PSMG4: variants seen among roughly 807,000 people sequenced by gnomAD.
The protein encoded by PSMG4 is proteasome assembly chaperone 4, also known as proteasome (prosome, macropain) assembly chaperone 4.
PSMG4 carries 10 observed loss-of-function variants against 11.0 expected under a neutral mutation model. That is an observed-to-expected ratio of 0.91 (90% CI 0.56 to 1.54). The LOEUF is 1.54. PSMG4 is among the 40% of genes most tolerant of loss of function. The pLI is 0.00. For synonymous variants in PSMG4, 95 were observed against 71.3 expected (o/e 1.33, Z -1.68); for missense variants, 198 against 160.9 (o/e 1.23, Z -1.25).
intron 2 of PSMG4, chr6:3,265,401 GA>G (rs1221485553): frequency 1.3e-5 from 2 of 152,140 alleles, no homozygotes; most frequent in African/African-American, 2.4e-5. Context: ...AGCATCGCAG[GA>G]GTTGGTGTGG....
At chr6:3,263,277 T>C (rs994289658) in intron 1 of PSMG4, among the ~76,000 whole-genome samples, 23 of 152,262 alleles carry the variant, frequency 1.5e-4, no homozygotes, top group Non-Finnish European at 2.6e-4. Context: ...AGCCAGCTGC[T>C]GTGGGGCACG....
chr6:3,264,114 G>A, intron 2 of PSMG4: 3 of 1,511,758 alleles, frequency 2.0e-6, no homozygotes, highest in Non-Finnish European at 2.7e-6. Context: ...GCTCAAGGTA[G>A]CCTCCCGGGC....
chr6:3,262,970 A>G (rs901789659), intron 1 of PSMG4, among the ~76,000 whole-genome samples: 1 of 152,130 alleles, frequency 6.6e-6, no homozygotes, highest in African/African-American at 2.4e-5. Flanking sequence ...CTAGCTAGAC[A>G]TTGTTAATGG....
chr6:3,255,179 G>C, upstream of PSMG4: 1 of 1,550,714 alleles, frequency 6.4e-7, no homozygotes, highest in Non-Finnish European at 8.7e-7. Context: ...TTACATGTGC[G>C]CTCTGGTGGA....
At chr6:3,263,892 C>A (rs1273667596) in intron 2 of PSMG4, 133 bp downstream of exon 2, 17 of 1,458,092 alleles carry the variant, frequency 1.2e-5, no homozygotes, top group Non-Finnish European at 1.5e-5. Flanking sequence ...CTGGGAAGCA[C>A]AGACCTTTGC....
chr6:3,255,149 AGCAGGGCCATACT>A, upstream of PSMG4: 1 of 1,550,970 alleles, frequency 6.4e-7, no homozygotes, highest in Non-Finnish European at 8.7e-7. Context: ...CTCTTTGAGG[AGCAGGGCCATACT>A]GACGGCTTAC....
chr6:3,256,405 A>C (rs1188585409), upstream of PSMG4, among the ~76,000 whole-genome samples: 1 of 152,186 alleles, frequency 6.6e-6, no homozygotes, highest in Non-Finnish European at 1.5e-5. Flanking sequence ...CCACTCGAGA[A>C]GGACTGTGAT....
In PSMG4 at chr6:3,267,821, G is replaced by T; in HGVS notation, c.*109G>T. The T allele has an allele frequency of 8.4e-7, 1 of 1,189,620 alleles. No individual in the cohort carries two copies. Among genetic ancestry groups the T allele is most frequent in the Non-Finnish European group, 1.2e-6 (1 of 854,856 alleles). The allele number at this position is 1,189,620 out of a possible 1,614,324, so 73.7% of individuals were successfully genotyped here. On this transcript the variant is annotated 3_prime_UTR_variant, in exon 3 of 3. Coordinates refer to ENST00000438998, the MANE Select transcript of PSMG4 (RefSeq NM_001128591.2). ...CGCGCTCCCGTTTTGTTTTTAAGGG[G>T]TTAATCTTTTGAGCTTCCTTCTCAG...
upstream of PSMG4, among the ~76,000 whole-genome samples, chr6:3,255,630 A>G (rs1757736587): frequency 6.6e-6 from 1 of 152,196 alleles, no homozygotes; most frequent in Admixed American, 6.5e-5. Context: ...ATCTATTTGT[A>G]GCTTGCGCCC....
rs749170153 is a variant in PSMG4, at chr6:3,263,753, C to T, written c.244C>T (p.Arg82Cys). The T allele has an allele frequency of 5.8e-6, 9 of 1,551,336 alleles. No individual in the cohort carries two copies. Among genetic ancestry groups the T allele is most frequent in the South Asian group, 2.4e-5 (2 of 84,012 alleles). Reference sequence around the variant, plus strand: ...CACGACCTCTACTGGCCTTGCCCAGCGCCTAGGTATGTACCCACAGCTGGC... The same window carrying T: ...CACGACCTCTACTGGCCTTGCCCAGTGCCTAGGTATGTACCCACAGCTGGC... ...SDTTSTGLAQRLARKTNKQVF... is the reference protein window; with the variant it reads ...SDTTSTGLAQCLARKTNKQVF... Residue 82 changes from arginine (R) to cysteine (C), a missense_variant, in exon 2 of 3, where the codon CGC (arginine) becomes TGC (cysteine). Transcript: ENST00000438998.
At chr6:3,264,121 G>A (rs994622348) in intron 2 of PSMG4, 17 of 1,523,404 alleles carry the variant, frequency 1.1e-5, no homozygotes, top group Admixed American at 4.1e-5. Context: ...GTAGCCTCCC[G>A]GGCCTTAGGA....
chr6:3,255,201 T>A (rs1481298956), upstream of PSMG4: 10 of 1,550,322 alleles, frequency 6.5e-6, no homozygotes, highest in Admixed American at 2.0e-5. Flanking sequence ...GTAGGATGTT[T>A]GGTGGCAGCA....
At position 3,260,064 on chromosome 6, in the gene PSMG4, C is replaced by T. The variant is rs571318532; in HGVS notation, c.174+868C>T. ...AAGTGATCCTCCTTCCTCAGCCTCC[C>T]GAGTAGCTAGGACTACAGACATGTG... is the stretch of plus-strand genomic sequence containing the variant. On this transcript the variant is annotated intron_variant, in intron 1 of 2. Coordinates refer to ENST00000438998, the MANE Select transcript of PSMG4 (RefSeq NM_001128591.2). Among the ~76,000 whole-genome samples the T allele has an allele frequency of 1.1e-4, 17 of 152,076 alleles. 1 individual carries two copies. The highest frequency in any genetic ancestry group is 5.8e-4 in the East Asian group (3 of 5,174).
At chr6:3,254,901 T>C (rs1246098164), upstream of PSMG4, 7 of 839,392 alleles carry the variant, frequency 8.3e-6, no homozygotes, top group East Asian at 8.0e-5. Context: ...TGTAAGTGAA[T>C]GATCTCTGAG....
chr6:3,257,884 T>C (rs1479863278), upstream of PSMG4, among the ~76,000 whole-genome samples: 1 of 152,228 alleles, frequency 6.6e-6, no homozygotes, highest in Non-Finnish European at 1.5e-5. Context: ...AATAAAGCTG[T>C]TAAAATATTG....
upstream of PSMG4, chr6:3,255,264 A>G (rs753864877): frequency 1.9e-5 from 30 of 1,545,816 alleles, no homozygotes; most frequent in South Asian, 3.3e-4. Flanking sequence ...CTGTGTTACC[A>G]CGGCTGTCTT....
chr6:3,257,402 C>T (rs560004870), upstream of PSMG4, among the ~76,000 whole-genome samples: 5 of 152,276 alleles, frequency 3.3e-5, no homozygotes, highest in Admixed American at 2.6e-4. Flanking sequence ...CATTACAATC[C>T]AGATTGAGAA....
At chr6:3,264,056 C>T (rs1255124912) in intron 2 of PSMG4, 10 of 1,435,170 alleles carry the variant, frequency 7.0e-6, no homozygotes, top group Non-Finnish European at 9.2e-6. Context: ...GCATCACCAC[C>T]TCCTGGGAGG....
intron 1 of PSMG4, among the ~76,000 whole-genome samples, chr6:3,262,509 TCCTG>T (rs1758027786): frequency 6.6e-6 from 1 of 152,192 alleles, no homozygotes; most frequent in Non-Finnish European, 1.5e-5. Flanking sequence ...TTTTTTGATC[TCCTG>T]CCTTTTATTG....
Sources: allele counts gnomAD v4.1 joint callset (sites outside exome capture counted in the v4.1 genomes callset), GRCh38; gene constraint gnomAD v4.1.1; transcripts MANE v1.5; gene names NCBI Gene and HGNC (gene_info 2026-07-23, HGNC 2026-07-21).